The following ITGA4 variants were observed in gnomAD, a reference collection of about 807,000 sequenced individuals.
ITGA4 encodes the protein integrin alpha-4.
In ITGA4, 63 loss-of-function variants were observed where a neutral mutation model predicts 133.6. The observed-to-expected ratio is 0.47, with a 90% CI of 0.38 to 0.58. ITGA4 has a LOEUF of 0.58. Ranked by LOEUF, ITGA4 falls within the 20% of genes least tolerant of loss-of-function variation. The pLI is 0.00. For missense variants in ITGA4, 1,076 were observed against 1,252.7 expected (o/e 0.86, Z 2.13); for synonymous variants, 483 against 438.0 (o/e 1.10, Z -1.28).
rs559850601 is a variant in ITGA4 at position 181,505,901 on chromosome 2, G to A, written c.1696-3757G>A. ...CTGTCTAGCTCCTCCTACACCTAGG[G>A]AATGATTTAATCAAGTTTGCTATTA... On this transcript the variant is annotated intron_variant, in intron 15 of 27. Coordinates refer to ENST00000397033, the MANE Select transcript of ITGA4 (RefSeq NM_000885.6). Among the ~76,000 whole-genome samples the A allele has an allele frequency of 2.9e-4, 44 of 152,146 alleles. No homozygotes were observed. The South Asian group carries it at 3.9e-3, about 14-fold the overall frequency.
Position 181,516,613 on chromosome 2 carries a change from G to T in ITGA4, c.1922+4838G>T, listed in dbSNP as rs1686612257. 6.6e-6 allele frequency among the ~76,000 whole-genome samples: 1 copy of T among 152,012 alleles called. No individual in the cohort carries two copies. Among genetic ancestry groups the T allele is most frequent in the Non-Finnish European group, 1.5e-5 (1 of 67,986 alleles). On this transcript the variant is annotated intron_variant, in intron 17 of 27. Coordinates refer to ENST00000397033, the MANE Select transcript of ITGA4 (RefSeq NM_000885.6). This position sits in a 1 kb window ranked among gnomAD's most constrained non-coding sequence, Gnocchi z 4.0. Reference sequence around the variant, plus strand: ...ACCTGTTTATCCCTGATTCTGTTATGGTTGAAGGAGAATGGAGTCGTCATG... The same window carrying T: ...ACCTGTTTATCCCTGATTCTGTTATTGTTGAAGGAGAATGGAGTCGTCATG...
intron 21 of ITGA4, among the ~76,000 whole-genome samples, chr2:181,525,640 T>C (rs527734588): frequency 1.3e-5 from 2 of 152,206 alleles, no homozygotes; most frequent in East Asian, 3.9e-4. Flanking sequence ...TTAATGCCCA[T>C]GTCAAGTGTG....
At chr2:181,474,780 C>T (rs956237914) in intron 2 of ITGA4, among the ~76,000 whole-genome samples, 180 bp from the exon 3 acceptor site, 5 of 152,134 alleles carry the variant, frequency 3.3e-5, no homozygotes. Context: ...CAACCAAAGT[C>T]ACCTTGTATT....
chr2:181,490,484 CGTGTGTGTGTGTGT>C (rs35723610), intron 10 of ITGA4, among the ~76,000 whole-genome samples: 94 of 137,822 alleles, frequency 6.8e-4, no homozygotes, highest in African/African-American at 1.9e-3. Context: ...GAATAGTATT[CGTGTGTGTGTGTGT>C]GTGTGTGTGT....
At chr2:181,519,733 G>GT (rs1436792005) in intron 17 of ITGA4, among the ~76,000 whole-genome samples, 2 of 152,066 alleles carry the variant, frequency 1.3e-5, no homozygotes, top group African/African-American at 4.8e-5. Context: ...TCGCAATGTG[G>GT]TAATGCTAGA....
At chr2:181,520,821 G>A (rs189391714) in intron 17 of ITGA4, among the ~76,000 whole-genome samples, 3 of 152,206 alleles carry the variant, frequency 2.0e-5, no homozygotes, top group African/African-American at 7.2e-5. Context: ...TGGGAACGAT[G>A]AACTTAGTGC....
chr2:181,498,989 C>T, intron 15 of ITGA4: 2 of 548,194 alleles, frequency 3.6e-6, no homozygotes, highest in Non-Finnish European at 4.6e-6. Context: ...TCACATTTAT[C>T]ACATTTGACC....
intron 20 of ITGA4, 35 bp from the exon 21 acceptor site, chr2:181,525,167 G>T: frequency 8.4e-7 from 1 of 1,193,624 alleles, no homozygotes; most frequent in Non-Finnish European, 1.3e-6. Context: ...TTTTCTGCTT[G>T]GTGAATTCTA....
Position 181,482,345 on chromosome 2 carries a change from T to G in ITGA4, c.841-15T>G, listed in dbSNP as rs2305588. 3 of 1,587,406 alleles carry G rather than the reference T, an allele frequency of 1.9e-6. No individual in the cohort carries two copies. The African/African-American group carries it at 4.1e-5, about 22-fold the overall frequency. Reference sequence around the variant, plus strand: ...TTATTCCTAAAAACTTTTCTAATTCTTTCCCTAATTACAGGCATATATATT... The same window carrying G: ...TTATTCCTAAAAACTTTTCTAATTCGTTCCCTAATTACAGGCATATATATT... On this transcript the variant is annotated splice_polypyrimidine_tract_variant and intron_variant, in intron 7 of 27. Coordinates refer to ENST00000397033, the MANE Select transcript of ITGA4 (RefSeq NM_000885.6).
At chr2:181,478,241 G>T (rs940183341) in intron 4 of ITGA4, among the ~76,000 whole-genome samples, 3 of 152,028 alleles carry the variant, frequency 2.0e-5, no homozygotes, top group African/African-American at 7.2e-5. Flanking sequence ...AAAGATGTTG[G>T]CATTTGTGTA....
chr2:181,510,871 A>G (rs1039718834), intron 16 of ITGA4, among the ~76,000 whole-genome samples: 1 of 152,046 alleles, frequency 6.6e-6, no homozygotes, highest in Non-Finnish European at 1.5e-5. Flanking sequence ...ATATTAATTT[A>G]TATTTTGATT....
chr2:181,506,019 T>G (rs551343548), intron 15 of ITGA4, among the ~76,000 whole-genome samples: 5 of 152,200 alleles, frequency 3.3e-5, no homozygotes, highest in African/African-American at 9.6e-5. Context: ...CGGTCAAAGT[T>G]TCATGTTGAG....
chr2:181,499,687 T>A (rs973615077), intron 15 of ITGA4, among the ~76,000 whole-genome samples: 7 of 152,202 alleles, frequency 4.6e-5, no homozygotes, highest in African/African-American at 1.7e-4. Flanking sequence ...ATTGTTGTAC[T>A]AGAATAAACC....
intron 17 of ITGA4, among the ~76,000 whole-genome samples, chr2:181,519,157 T>C (rs1258643684): frequency 6.6e-6 from 1 of 152,088 alleles, no homozygotes; most frequent in Non-Finnish European, 1.5e-5. Flanking sequence ...TACAACTACA[T>C]GTACCAATAT....
chr2:181,508,080 G>T (rs1686430825), intron 15 of ITGA4, among the ~76,000 whole-genome samples: 1 of 151,930 alleles, frequency 6.6e-6, no homozygotes, highest in Non-Finnish European at 1.5e-5. Flanking sequence ...TAAGTTGATA[G>T]AAAATATTTT....
At chr2:181,467,223 C>CT (rs1685440667) in intron 2 of ITGA4, among the ~76,000 whole-genome samples, 1 of 99,682 alleles carries the variant, frequency 1.0e-5, no homozygotes, top group South Asian at 3.5e-4. Context: ...AGAGCTTCAG[C>CT]TTAAAAAAAA....
At position 181,537,180 on chromosome 2, in the gene ITGA4, GATCATAGATGAAAA is replaced by G; in HGVS notation, c.*1658_*1671del. 2.2e-6 allele frequency: 1 copy of G among 453,748 alleles called. No homozygotes were observed. The highest frequency in any genetic ancestry group is 4.4e-6 in the Non-Finnish European group (1 of 226,584). The allele number at this position is 453,748 out of a possible 1,614,324, so 28.1% of individuals were successfully genotyped here. On this transcript the variant is annotated 3_prime_UTR_variant, in exon 28 of 28. Transcript: ENST00000397033. ...GTCATTCTTTCAGGAGAACATCTAG[GATCATAGATGAAAA>G]ATCAAGCCCCGATTTAGAACTGTCT...
At chr2:181,478,448 G>T (rs961898281) in intron 4 of ITGA4, among the ~76,000 whole-genome samples, 2 of 152,022 alleles carry the variant, frequency 1.3e-5, no homozygotes, top group South Asian at 4.1e-4. Flanking sequence ...GATATACACA[G>T]TAAAAAGAAA....
At chr2:181,532,659 G>T (rs1686967694) in intron 25 of ITGA4, among the ~76,000 whole-genome samples, 1 of 152,146 alleles carries the variant, frequency 6.6e-6, no homozygotes, top group Non-Finnish European at 1.5e-5. Context: ...TGAGACCATG[G>T]AGTTTTCTAA....
Sources: gnomAD v4.1 joint callset for allele counts (sites outside exome capture counted in the v4.1 genomes callset) on GRCh38, gnomAD v4.1.1 for gene constraint, Gnocchi (gnomAD v3.1) non-coding constraint, MANE v1.5 for transcripts, NCBI Gene and HGNC (gene_info 2026-07-23, HGNC 2026-07-21) for gene names.